The following TLX2 variants were observed in gnomAD, a reference collection of about 807,000 sequenced individuals.
The protein encoded by TLX2 is T-cell leukemia homeobox protein 2.
TLX2 carries 15 observed loss-of-function variants against 21.7 expected under a neutral mutation model. That is an observed-to-expected ratio of 0.69 (90% CI 0.46 to 1.07). The LOEUF (loss-of-function observed/expected upper bound fraction) is 1.07, where lower values mean the gene tolerates loss of function less well. Ranked by LOEUF, TLX2 falls within the 50% of genes least tolerant of loss-of-function variation. The probability of loss-of-function intolerance (pLI) is 0.00; values close to 1 mark genes in which losing one functional copy is unlikely to be tolerated. For missense variants in TLX2, 384 were observed against 409.1 expected (o/e 0.94, Z 0.53); for synonymous variants, 213 against 193.1 (o/e 1.10, Z -0.85).
At position 74,515,630 on chromosome 2, in the gene TLX2, T is replaced by A. The variant is rs770043861; in HGVS notation, c.401-3T>A. On this transcript the variant is annotated splice_region_variant and splice_polypyrimidine_tract_variant and intron_variant, in intron 1 of 2. Transcript: ENST00000233638. The surrounding 1 kb of genome is among the most constrained non-coding windows in gnomAD (Gnocchi z 6.6). The stretch of plus-strand genomic sequence containing the variant: ...CTGCCCTGGTCTTTCTTCCTCCCGG[T>A]AGCTGCGCTCTCGCCCTTCTCTGGG... The A allele has an allele frequency of 6.2e-7, 1 of 1,606,810 alleles. No homozygotes were observed. The highest frequency in any genetic ancestry group is 8.5e-7 in the Non-Finnish European group (1 of 1,175,198).
At position 74,514,813 on chromosome 2, in the gene TLX2, C is replaced by T. The variant is rs372415979; in HGVS notation, c.7C>T (p.Pro3Ser). 11 of 1,612,564 alleles carry T rather than the reference C, an allele frequency of 6.8e-6. No individual in the cohort carries two copies. The highest frequency in any genetic ancestry group is 1.3e-5 in the African/African-American group (1 of 74,810). Reference protein sequence around the residue: MEPGMLGPHNLPH... With the variant: MESGMLGPHNLPH... The stretch of plus-strand genomic sequence containing the variant: ...TTCTCCTCGGCCCAGACCGATGGAG[C>T]CGGGGATGCTGGGTCCACACAACCT... The change falls in exon 1 of 3, where the codon CCG (proline) becomes TCG (serine). Residue 3 changes from proline to serine, a missense_variant. Pro to Ser is a moderately conservative substitution (Grantham distance 74). Transcript: ENST00000233638. The surrounding 1 kb of genome is among the most constrained non-coding windows in gnomAD (Gnocchi z 5.0).
At position 74,514,862 on chromosome 2, in the gene TLX2, T is replaced by G; in HGVS notation, c.56T>G (p.Phe19Cys). The change falls in exon 1 of 3, where the codon TTC becomes TGC. Residue 19 changes from phenylalanine (F) to cysteine (C), a missense_variant. Phe to Cys is a radical substitution (Grantham distance 205). Coordinates refer to ENST00000233638, the MANE Select transcript of TLX2 (RefSeq NM_016170.5). This position sits in a 1 kb window ranked among gnomAD's most constrained non-coding sequence, Gnocchi z 5.0. ...CTCCCACACCACGAGCCAATCAGCT[T>G]CGGCATCGATCAGATCCTGAGCGGC... ...HNLPHHEPIS[F>C]GIDQILSGPE... 1.2e-6 allele frequency: 2 copies of G among 1,612,990 alleles called. No individual in the cohort carries two copies. The highest frequency in any genetic ancestry group is 1.7e-6 in the Non-Finnish European group (2 of 1,179,640).
rs375415258 is a variant in TLX2, at chr2:74,515,204, C to T, written c.398C>T (p.Thr133Met). 1.7e-4 allele frequency: 268 copies of T among 1,540,194 alleles called. No individual in the cohort carries two copies. The highest frequency in any genetic ancestry group is 2.2e-4 in the Non-Finnish European group (250 of 1,148,022). ...CGCCGCTTTGCCAAGGACCGGCTCACGGGTGAGGTTGTCTGACCCCTCCAG... is the reference window on the plus strand; with the variant it reads ...CGCCGCTTTGCCAAGGACCGGCTCATGGGTGAGGTTGTCTGACCCCTCCAG... ...SGRRFAKDRLTAALSPFSGTR... is the reference protein window; with the variant it reads ...SGRRFAKDRLMAALSPFSGTR... The change falls in exon 1 of 3, where the codon ACG becomes ATG. Residue 133 changes from threonine (T) to methionine (M), a missense_variant and splice_region_variant. By Grantham distance (81) the Thr-to-Met change is moderately conservative. Coordinates refer to ENST00000233638, the MANE Select transcript of TLX2 (RefSeq NM_016170.5). The surrounding 1 kb of genome is among the most constrained non-coding windows in gnomAD (Gnocchi z 6.6).
rs1025963980 is a variant in TLX2 at position 74,516,313 on chromosome 2, G to C, written c.*124G>C. On this transcript the variant is annotated 3_prime_UTR_variant, in exon 3 of 3. Transcript: ENST00000233638. The stretch of plus-strand genomic sequence containing the variant: ...CGGCAGGCCTTGAGGCTGTCGTCGA[G>C]GGCTCCTCCACCACCGGCCGGCTCC... The C allele has an allele frequency of 2.9e-5, 44 of 1,525,074 alleles. No individual in the cohort carries two copies. The highest frequency in any genetic ancestry group is 1.7e-4 in the Middle Eastern group (1 of 5,826). The allele number at this position is 1,525,074 out of a possible 1,614,324, so 94.5% of individuals were successfully genotyped here. A position where few individuals can be genotyped will look rare whatever the true frequency, so the allele number is the denominator to read the frequency against.
rs1169508931 is a variant in TLX2, at chr2:74,515,238, C to G, written c.400+32C>G. 9 of 1,536,524 alleles carry G rather than the reference C, an allele frequency of 5.9e-6. No homozygotes were observed. The highest frequency in any genetic ancestry group is 7.8e-6 in the Non-Finnish European group (9 of 1,146,944). ...TTGTCTGACCCCTCCAGCGTCACGCCCGACTCTGACCCCGTCTCCTCATTT... is the reference window on the plus strand; with the variant it reads ...TTGTCTGACCCCTCCAGCGTCACGCGCGACTCTGACCCCGTCTCCTCATTT... On this transcript the variant is annotated intron_variant, in intron 1 of 2. Coordinates refer to ENST00000233638, the MANE Select transcript of TLX2 (RefSeq NM_016170.5). This position sits in a 1 kb window ranked among gnomAD's most constrained non-coding sequence, Gnocchi z 6.6.
In TLX2 at chr2:74,515,935, G is replaced by A; in HGVS notation, c.639-38G>A. 1 of 1,499,730 alleles carries A rather than the reference G, an allele frequency of 6.7e-7. No homozygotes were observed. The highest frequency in any genetic ancestry group is 2.3e-5 in the Admixed American group (1 of 43,232). 92.9% of individuals were successfully genotyped at this position (1,499,730 alleles called of 1,614,324 possible). On this transcript the variant is annotated intron_variant, in intron 2 of 2. Transcript: ENST00000233638. The surrounding 1 kb of genome is among the most constrained non-coding windows in gnomAD (Gnocchi z 6.6). ...AGCAGGGCCTGGTGAGAAGCGACGCGGCGGGCGCCCCGCTGACCCCGCGTC... is the reference window on the plus strand; with the variant it reads ...AGCAGGGCCTGGTGAGAAGCGACGCAGCGGGCGCCCCGCTGACCCCGCGTC...
In TLX2 at chr2:74,514,679, C is replaced by T. The variant is rs1674834386; in HGVS notation, c.-128C>T. 1.3e-6 allele frequency: 2 copies of T among 1,517,088 alleles called. No individual in the cohort carries two copies. Among genetic ancestry groups the T allele is most frequent in the African/African-American group, 1.4e-5 (1 of 69,820 alleles). The allele number at this position is 1,517,088 out of a possible 1,614,324, so 94.0% of individuals were successfully genotyped here. A position where few individuals can be genotyped will look rare whatever the true frequency, so the allele number is the denominator to read the frequency against. On this transcript the variant is annotated 5_prime_UTR_variant, in exon 1 of 3. Transcript: ENST00000233638. The surrounding 1 kb of genome is among the most constrained non-coding windows in gnomAD (Gnocchi z 5.0). ...GCTGCTGTTTCGGGGACCCCGGCGCCCTGCCTTGGCCAGCCCCGCGGGCCC... is the reference window on the plus strand; with the variant it reads ...GCTGCTGTTTCGGGGACCCCGGCGCTCTGCCTTGGCCAGCCCCGCGGGCCC...
chr2:74,514,674 G>A lies in TLX2; in HGVS notation c.-133G>A, dbSNP rs1279109636. ...GGGATGCTGCTGTTTCGGGGACCCC[G>A]GCGCCCTGCCTTGGCCAGCCCCGCG... On this transcript the variant is annotated 5_prime_UTR_variant, in exon 1 of 3. Transcript: ENST00000233638. This position sits in a 1 kb window ranked among gnomAD's most constrained non-coding sequence, Gnocchi z 5.0. 4.0e-6 allele frequency: 6 copies of A among 1,508,516 alleles called. No individual in the cohort carries two copies. In the Admixed American group the frequency reaches 1.2e-4, roughly 29 times the overall value. 93.4% of individuals were successfully genotyped at this position (1,508,516 alleles called of 1,614,324 possible).
chr2:74,516,726 C>A lies in TLX2; in HGVS notation c.*537C>A. 1 of 189,282 alleles carries A rather than the reference C, an allele frequency of 5.3e-6. No homozygotes were observed. Among genetic ancestry groups the A allele is most frequent in the Non-Finnish European group, 1.1e-5 (1 of 92,096 alleles). 11.7% of individuals were successfully genotyped at this position (189,282 alleles called of 1,614,324 possible). A position where few individuals can be genotyped will look rare whatever the true frequency, so the allele number is the denominator to read the frequency against. On this transcript the variant is annotated 3_prime_UTR_variant, in exon 3 of 3. Coordinates refer to ENST00000233638, the MANE Select transcript of TLX2 (RefSeq NM_016170.5). ...GTTGTCCACCCCGGGCATCTCATCC[C>A]TCAACTGTAAAATAATCGCTAAGGA...
In TLX2 at chr2:74,515,107, G is replaced by T. The variant is rs1674850247; in HGVS notation, c.301G>T (p.Val101Leu). ...VPPPAGGAPA[V>L]PGPSGLGGAG... Reference sequence around the variant, plus strand: ...GCCGCCCGCTGGGGGGGCGCCTGCAGTGCCTGGGCCCTCGGGTTTGGGCGG... The same window carrying T: ...GCCGCCCGCTGGGGGGGCGCCTGCATTGCCTGGGCCCTCGGGTTTGGGCGG... Residue 101 changes from valine (V) to leucine (L), a missense_variant, in exon 1 of 3, where the codon GTG (valine) becomes TTG (leucine). Val to Leu is a conservative substitution (Grantham distance 32). Coordinates refer to ENST00000233638, the MANE Select transcript of TLX2 (RefSeq NM_016170.5). The surrounding 1 kb of genome is among the most constrained non-coding windows in gnomAD (Gnocchi z 6.6). The T allele has an allele frequency of 7.8e-6, 12 of 1,536,922 alleles. No individual in the cohort carries two copies. The highest frequency in any genetic ancestry group is 1.0e-5 in the Non-Finnish European group (12 of 1,143,416).
chr2:74,515,893 G>C lies in TLX2; in HGVS notation c.638+23G>C. 6.3e-7 allele frequency: 1 copy of C among 1,592,540 alleles called. No homozygotes were observed. Among genetic ancestry groups the C allele is most frequent in the Non-Finnish European group, 8.6e-7 (1 of 1,168,172 alleles). On this transcript the variant is annotated intron_variant, in intron 2 of 2. Transcript: ENST00000233638. This position sits in a 1 kb window ranked among gnomAD's most constrained non-coding sequence, Gnocchi z 6.6. ...GCGGTGAGGCGCGGCGCGGGCGAGGGCGGACTGGGGTTCCCGAGCAGGGCC... is the reference window on the plus strand; with the variant it reads ...GCGGTGAGGCGCGGCGCGGGCGAGGCCGGACTGGGGTTCCCGAGCAGGGCC...
chr2:74,515,681 A>G lies in TLX2; in HGVS notation c.449A>G (p.Gln150Arg). ...ACGCGCCGCATAGGCCACCCCTACC[A>G]AAACCGGACCCCTCCGAAGCGGAAG... ...SGTRRIGHPY[Q>R]NRTPPKRKKP... Residue 150 changes from glutamine (Q) to arginine (R), a missense_variant, in exon 2 of 3, where the codon CAA becomes CGA. Transcript: ENST00000233638. This position sits in a 1 kb window ranked among gnomAD's most constrained non-coding sequence, Gnocchi z 6.6. 2 of 1,613,726 alleles carry G rather than the reference A, an allele frequency of 1.2e-6. No homozygotes were observed. Among genetic ancestry groups the G allele is most frequent in the Non-Finnish European group, 1.7e-6 (2 of 1,179,894 alleles).
At position 74,515,202 on chromosome 2, in the gene TLX2, C is replaced by T. The variant is rs1275579345; in HGVS notation, c.396C>T (p.Leu132=). 6.5e-7 allele frequency: 1 copy of T among 1,540,498 alleles called. No individual in the cohort carries two copies. The change falls in exon 1 of 3, where the codon CTC becomes CTT. Residue 132 remains leucine, a synonymous_variant. Coordinates refer to ENST00000233638, the MANE Select transcript of TLX2 (RefSeq NM_016170.5). This position sits in a 1 kb window ranked among gnomAD's most constrained non-coding sequence, Gnocchi z 6.6. ...GCCGCCGCTTTGCCAAGGACCGGCT[C>T]ACGGGTGAGGTTGTCTGACCCCTCC... ...DSGRRFAKDR[L]TAALSPFSGT...
Position 74,514,491 on chromosome 2 carries a change from G to A in TLX2, c.-316G>A. 7.9e-7 allele frequency: 1 copy of A among 1,267,896 alleles called. No individual in the cohort carries two copies. Among genetic ancestry groups the A allele is most frequent in the South Asian group, 1.6e-5 (1 of 63,696 alleles). The allele number at this position is 1,267,896 out of a possible 1,614,324, so 78.5% of individuals were successfully genotyped here. A position where few individuals can be genotyped will look rare whatever the true frequency, so the allele number is the denominator to read the frequency against. ...GGAGCTGGCCAACCCTCTCCACCCG[G>A]GACTTGGGCAGCGGCGCCGGCAGCC... is the stretch of plus-strand genomic sequence containing the variant. On this transcript the variant is annotated 5_prime_UTR_variant, in exon 1 of 3. Transcript: ENST00000233638. The surrounding 1 kb of genome is among the most constrained non-coding windows in gnomAD (Gnocchi z 5.0).
At position 74,514,631 on chromosome 2, in the gene TLX2, G is replaced by C. The variant is rs972720650; in HGVS notation, c.-176G>C. The stretch of plus-strand genomic sequence containing the variant: ...GCCCGGCAGCGGCTGGCACGGGCGC[G>C]GCTGCTCCGGGTGCACAGGGATGCT... On this transcript the variant is annotated 5_prime_UTR_variant, in exon 1 of 3. Transcript: ENST00000233638. This position sits in a 1 kb window ranked among gnomAD's most constrained non-coding sequence, Gnocchi z 5.0. The C allele has an allele frequency of 2.1e-6, 3 of 1,429,594 alleles. No homozygotes were observed. In the Admixed American group the frequency reaches 9.1e-5, roughly 43 times the overall value. The allele number at this position is 1,429,594 out of a possible 1,614,324, so 88.6% of individuals were successfully genotyped here.
Position 74,516,909 on chromosome 2 carries a change from G to A in TLX2, c.*720G>A, listed in dbSNP as rs1674902369. ...TCACATAGGGACAGAGAAGGGAGAG[G>A]AGGAAACAGTGGACAAAGTTAATGG... On this transcript the variant is annotated 3_prime_UTR_variant, in exon 3 of 3. Coordinates refer to ENST00000233638, the MANE Select transcript of TLX2 (RefSeq NM_016170.5). 2.0e-5 allele frequency: 3 copies of A among 152,610 alleles called. No homozygotes were observed. 9.5% of individuals were successfully genotyped at this position (152,610 alleles called of 1,614,324 possible). A position where few individuals can be genotyped will look rare whatever the true frequency, so the allele number is the denominator to read the frequency against.
rs949231815 is a variant in TLX2 at position 74,516,654 on chromosome 2, G to C, written c.*465G>C. On this transcript the variant is annotated 3_prime_UTR_variant, in exon 3 of 3. Transcript: ENST00000233638. ...ACCGACCACGGCGAAGCAATAGAGG[G>C]GGTGCTGGAGCGCGAGAGGCTGGCT... is the stretch of plus-strand genomic sequence containing the variant. 11 of 521,300 alleles carry C rather than the reference G, an allele frequency of 2.1e-5. No homozygotes were observed. Among genetic ancestry groups the C allele is most frequent in the Non-Finnish European group, 2.9e-5 (11 of 382,980 alleles). The allele number at this position is 521,300 out of a possible 1,614,324, so 32.3% of individuals were successfully genotyped here.
At position 74,515,072 on chromosome 2, in the gene TLX2, T is replaced by A; in HGVS notation, c.266T>A (p.Leu89Gln). The A allele has an allele frequency of 6.6e-7, 1 of 1,525,460 alleles. No individual in the cohort carries two copies. Among genetic ancestry groups the A allele is most frequent in the East Asian group, 2.6e-5 (1 of 38,456 alleles). 94.5% of individuals were successfully genotyped at this position (1,525,460 alleles called of 1,614,324 possible). ...ATCCGCGTCCCTGCGCACCGCCCGCTGCCTGTGCCGCCGCCCGCTGGGGGG... is the reference window on the plus strand; with the variant it reads ...ATCCGCGTCCCTGCGCACCGCCCGCAGCCTGTGCCGCCGCCCGCTGGGGGG... ...GVIRVPAHRP[L>Q]PVPPPAGGAP... is the part of the protein sequence containing the mutation. Residue 89 changes from leucine (L) to glutamine (Q), a missense_variant, in exon 1 of 3, where the codon CTG becomes CAG. Transcript: ENST00000233638. The surrounding 1 kb of genome is among the most constrained non-coding windows in gnomAD (Gnocchi z 6.6).
rs574769269 is a variant in TLX2, at chr2:74,515,099, C to T, written c.293C>T (p.Ala98Val). The T allele has an allele frequency of 3.9e-6, 6 of 1,530,830 alleles. No homozygotes were observed. The Admixed American group carries it at 1.2e-4, about 31-fold the overall frequency. The allele number at this position is 1,530,830 out of a possible 1,614,324, so 94.8% of individuals were successfully genotyped here. Residue 98 changes from alanine to valine, a missense_variant, in exon 1 of 3, where the codon GCG becomes GTG. Transcript: ENST00000233638. This position sits in a 1 kb window ranked among gnomAD's most constrained non-coding sequence, Gnocchi z 6.6. Reference sequence around the variant, plus strand: ...CCTGTGCCGCCGCCCGCTGGGGGGGCGCCTGCAGTGCCTGGGCCCTCGGGT... The same window carrying T: ...CCTGTGCCGCCGCCCGCTGGGGGGGTGCCTGCAGTGCCTGGGCCCTCGGGT... ...PLPVPPPAGG[A>V]PAVPGPSGLG...
Sources: allele counts gnomAD v4.1 joint callset, GRCh38; gene constraint gnomAD v4.1.1; non-coding constraint Gnocchi (gnomAD v3.1); transcripts MANE v1.5; gene names NCBI Gene and HGNC (gene_info 2026-07-23, HGNC 2026-07-21).